KCTD1: variants seen among roughly 807,000 people sequenced by gnomAD.
KCTD1 encodes potassium channel tetramerization domain containing 1, also known as BTB/POZ domain-containing protein KCTD1.
Under a neutral mutation model 66.0 loss-of-function variants are expected in KCTD1, and 24 were observed. The observed-to-expected ratio is 0.36, with a 90% CI of 0.26 to 0.51. KCTD1 has a LOEUF of 0.51. Among genes scored for constraint, KCTD1 ranks in the 20% least tolerant of loss-of-function variants. KCTD1 has a pLI of 0.95. For missense variants in KCTD1, 943 were observed against 1,205.2 expected (o/e 0.78, Z 3.22); for synonymous variants, 511 against 517.2 (o/e 0.99, Z 0.16).
At chr18:26,550,965 C>G (rs1014483076), upstream of KCTD1, among the ~76,000 whole-genome samples, 8 of 152,216 alleles carry the variant, frequency 5.3e-5, no homozygotes, top group African/African-American at 1.7e-4. This position sits in a 1 kb window ranked among gnomAD's most constrained non-coding sequence, Gnocchi z 5.4. Flanking sequence ...GCGCAGGGAC[C>G]CGGGGGCCGC....
intron 1 of KCTD1, among the ~76,000 whole-genome samples, chr18:26,647,332 C>CT (rs1568020030): frequency 6.0e-4 from 2 of 3,316 alleles, no homozygotes; most frequent in South Asian, 0.062. Flanking sequence ...GATAGTGAAA[C>CT]CCCCCCCCCA....
intron 1 of KCTD1, among the ~76,000 whole-genome samples, chr18:26,648,034 C>T (rs770853540): frequency 3.2e-4 from 48 of 151,956 alleles, no homozygotes; most frequent in Non-Finnish European, 5.2e-4. Context: ...TTAGTAGAGA[C>T]GGGGTTTCAC....
chr18:26,638,404 T>C (rs1987767381), intron 1 of KCTD1, among the ~76,000 whole-genome samples: 1 of 152,178 alleles, frequency 6.6e-6, no homozygotes, highest in Admixed American at 6.5e-5. Context: ...CAGCATACAA[T>C]TCATTTTTTA....
At chr18:26,652,733 G>T (rs1988059832) in intron 1 of KCTD1, among the ~76,000 whole-genome samples, 1 of 152,316 alleles carries the variant, frequency 6.6e-6, no homozygotes, top group East Asian at 1.9e-4. Context: ...TTGAACAAAT[G>T]GAGGGAGGGA....
At chr18:26,655,988 G>A (rs1988126337) in intron 1 of KCTD1, among the ~76,000 whole-genome samples, 1 of 152,086 alleles carries the variant, frequency 6.6e-6, no homozygotes, top group Non-Finnish European at 1.5e-5. Context: ...TCTTGGGGGC[G>A]GGAGAGGAAG....
At chr18:26,578,057 C>CTTTTTT (rs11381611) in intron 1 of KCTD1, among the ~76,000 whole-genome samples, 36 of 117,026 alleles carry the variant, frequency 3.1e-4, no homozygotes, top group Non-Finnish European at 4.1e-4. Context: ...TCTTTTCTTT[C>CTTTTTT]TTTTTTTTTT....
chr18:26,550,603 C>CACACACA (rs1484490056), upstream of KCTD1, among the ~76,000 whole-genome samples: 1 of 150,778 alleles, frequency 6.6e-6, no homozygotes, highest in Non-Finnish European at 1.5e-5. The surrounding 1 kb of genome is among the most constrained non-coding windows in gnomAD (Gnocchi z 5.4). Flanking sequence ...CACACACACA[C>CACACACA]ACCACGCTCT....
At chr18:26,464,890 C>T (rs1980637739) in intron 3 of KCTD1, among the ~76,000 whole-genome samples, 1 of 152,158 alleles carries the variant, frequency 6.6e-6, no homozygotes, top group Non-Finnish European at 1.5e-5. Context: ...TTTACCTTTT[C>T]CATTTCCAAA....
At chr18:26,644,404 C>T (rs746220704), upstream of KCTD1, among the ~76,000 whole-genome samples, 1 of 152,072 alleles carries the variant, frequency 6.6e-6, no homozygotes, top group Non-Finnish European at 1.5e-5. Context: ...CAAGTGTCCA[C>T]TGAACCCAGG....
chr18:26,562,065 C>A lies in KCTD1; in HGVS notation c.-15-60815G>T, dbSNP rs116862264. On this transcript the variant is annotated intron_variant, in intron 1 of 4. Transcript: ENST00000317932. ...TTATCTTGCTTACAACCAAGAAATC[C>A]TAACTATGCCTTCGCCCTCCGCCCA... 1.2e-4 allele frequency among the ~76,000 whole-genome samples: 18 copies of A among 152,274 alleles called. No homozygotes were observed. The East Asian group carries it at 3.5e-3, about 29-fold the overall frequency.
At chr18:26,475,352 G>A (rs2144598292) in intron 3 of KCTD1, among the ~76,000 whole-genome samples, 1 of 152,232 alleles carries the variant, frequency 6.6e-6, no homozygotes, top group South Asian at 2.1e-4. Context: ...GAGGATAACT[G>A]ACATCTTAAC....
upstream of KCTD1, among the ~76,000 whole-genome samples, chr18:26,630,319 C>A (rs1555648388): frequency 6.6e-6 from 1 of 151,952 alleles, no homozygotes; most frequent in Non-Finnish European, 1.5e-5. Flanking sequence ...GAGTATATGT[C>A]TTTTTTTGTT....
chr18:26,506,422 A>G (rs1983039578), intron 1 of KCTD1, among the ~76,000 whole-genome samples: 1 of 152,204 alleles, frequency 6.6e-6, no homozygotes, highest in South Asian at 2.1e-4. Context: ...CTAGAGACTG[A>G]GAACTGAGAA....
chr18:26,498,173 C>G (rs566141325), intron 2 of KCTD1, among the ~76,000 whole-genome samples: 43 of 152,170 alleles, frequency 2.8e-4, no homozygotes, highest in African/African-American at 9.9e-4. Context: ...AAGAACTGTT[C>G]GCCATTTGCC....
chr18:26,495,739 C>G (rs1982437849), intron 2 of KCTD1, among the ~76,000 whole-genome samples: 1 of 152,082 alleles, frequency 6.6e-6, no homozygotes, highest in Non-Finnish European at 1.5e-5. Context: ...TCACCTTTTA[C>G]CTCTAGGTCA....
intron 1 of KCTD1, among the ~76,000 whole-genome samples, chr18:26,628,729 T>C (rs1377912921): frequency 6.6e-6 from 1 of 152,138 alleles, no homozygotes; most frequent in Admixed American, 6.5e-5. Flanking sequence ...AGAAATTTCA[T>C]CCTAAAGAAT....
chr18:26,470,335 C>A (rs950039851), intron 3 of KCTD1, among the ~76,000 whole-genome samples: 7 of 152,206 alleles, frequency 4.6e-5, no homozygotes, highest in African/African-American at 1.7e-4. Flanking sequence ...GGCCAATGAG[C>A]CACAAAGGGA....
At chr18:26,460,637 A>C (rs891554729) in intron 3 of KCTD1, among the ~76,000 whole-genome samples, 1 of 152,148 alleles carries the variant, frequency 6.6e-6, no homozygotes, top group African/African-American at 2.4e-5. Flanking sequence ...GACATAAACA[A>C]CTTTAGGCCT....
intron 3 of KCTD1, among the ~76,000 whole-genome samples, chr18:26,465,719 G>T (rs1295911395): frequency 2.0e-5 from 3 of 152,168 alleles, no homozygotes; most frequent in Non-Finnish European, 4.4e-5. Flanking sequence ...ACAACACCCT[G>T]GCTTGGAAAG....
Sources: allele counts gnomAD v4.1 joint callset (sites outside exome capture counted in the v4.1 genomes callset), GRCh38; gene constraint gnomAD v4.1.1; non-coding constraint Gnocchi (gnomAD v3.1); transcripts MANE v1.5; gene names NCBI Gene and HGNC (gene_info 2026-07-23, HGNC 2026-07-21).